ANKRD29: variants seen among roughly 807,000 people sequenced by gnomAD.
The protein encoded by ANKRD29 is ankyrin repeat domain 29.
Under a neutral mutation model 38.0 loss-of-function variants are expected in ANKRD29, and 32 were observed. The observed-to-expected ratio is 0.84, with a 90% confidence interval of 0.64 to 1.13. ANKRD29 has a LOEUF of 1.13. ANKRD29 is among the 50% of genes most tolerant of loss of function. The pLI, the probability that ANKRD29 is intolerant of heterozygous loss-of-function variation, is 0.00. For missense variants in ANKRD29, 357 were observed against 377.9 expected (o/e 0.94, Z 0.46); for synonymous variants, 135 against 152.4 (o/e 0.89, Z 0.84).
At chr18:23,657,993 T>C (rs2060306798) in intron 1 of ANKRD29, among the ~76,000 whole-genome samples, 1 of 152,268 alleles carries the variant, frequency 6.6e-6, no homozygotes, top group African/African-American at 2.4e-5. Context: ...TAATAATATT[T>C]GCCTTGCTAG....
intron 6 of ANKRD29, among the ~76,000 whole-genome samples, chr18:23,626,700 T>C (rs1361746975): frequency 6.6e-6 from 1 of 152,248 alleles, no homozygotes; most frequent in Middle Eastern, 3.2e-3. Flanking sequence ...CATCCCAAAG[T>C]ACTAAAAAGG....
rs147346790 is a variant in ANKRD29, at chr18:23,638,173, T to C, written c.330+676A>G. ...CCATCACGCCTGGCTAATTTTTTTT[T>C]GTATTTTTAGTAGAGACAGGGTTTC... On this transcript the variant is annotated intron_variant, in intron 4 of 9. Coordinates refer to ENST00000592179, the MANE Select transcript of ANKRD29 (RefSeq NM_173505.4). 5.3e-4 allele frequency among the ~76,000 whole-genome samples: 80 copies of C among 152,106 alleles called. No individual in the cohort carries two copies. In the East Asian group the frequency reaches 0.015, roughly 28 times the overall value.
chr18:23,611,087 A>T (rs1222022208), intron 9 of ANKRD29, among the ~76,000 whole-genome samples: 2 of 152,262 alleles, frequency 1.3e-5, no homozygotes, highest in East Asian at 3.8e-4. Context: ...ACAATCATTT[A>T]AAAAAATTCT....
chr18:23,639,857 CAG>C (rs1248098457), intron 3 of ANKRD29, among the ~76,000 whole-genome samples: 6 of 152,108 alleles, frequency 3.9e-5, no homozygotes, highest in Non-Finnish European at 8.8e-5. Flanking sequence ...CTAAAGTAGT[CAG>C]AGTTATAGAA....
intron 1 of ANKRD29, among the ~76,000 whole-genome samples, chr18:23,659,881 CA>C (rs2145744903): frequency 1.3e-5 from 2 of 151,960 alleles, no homozygotes; most frequent in South Asian, 4.1e-4. Flanking sequence ...GAGCCCGAGG[CA>C]GGCAGATTAC....
chr18:23,638,773 A>G (rs1328803292), intron 4 of ANKRD29, 76 bp downstream of exon 4: 1 of 1,174,600 alleles, frequency 8.5e-7, no homozygotes, highest in Non-Finnish European at 1.2e-6. Flanking sequence ...AATTCGTACC[A>G]TAGATGAGGA....
At chr18:23,602,234 G>A (rs1333522547) in intron 9 of ANKRD29, among the ~76,000 whole-genome samples, 3 of 151,822 alleles carry the variant, frequency 2.0e-5, no homozygotes, top group African/African-American at 7.3e-5. Flanking sequence ...ATGGGGTTTC[G>A]CCATTTAGCC....
intron 8 of ANKRD29, among the ~76,000 whole-genome samples, chr18:23,616,788 A>C (rs2059728799): frequency 6.8e-6 from 1 of 146,806 alleles, no homozygotes; most frequent in Admixed American, 6.9e-5. Flanking sequence ...AATAAATAAT[A>C]TAATATAATA....
Position 23,653,041 on chromosome 18 carries a change from A to G in ANKRD29, c.22-3848T>C, listed in dbSNP as rs139742346. On this transcript the variant is annotated intron_variant, in intron 1 of 9. Coordinates refer to ENST00000592179, the MANE Select transcript of ANKRD29 (RefSeq NM_173505.4). ...GCTCACCACTGTGTAACAATTGCCT[A>G]CAGTATTCCATTCAGGAGCATGCTA... Among the ~76,000 whole-genome samples the G allele has an allele frequency of 8.7e-4, 133 of 152,360 alleles. 1 individual carries two copies. Among genetic ancestry groups the G allele is most frequent in the African/African-American group, 3.0e-3 (125 of 41,584 alleles).
chr18:23,640,881 A>C (rs570636688), intron 3 of ANKRD29, among the ~76,000 whole-genome samples: 1 of 152,108 alleles, frequency 6.6e-6, no homozygotes, highest in Admixed American at 6.5e-5. Flanking sequence ...GGTCTCACTC[A>C]TGTGTGAAAA....
At chr18:23,659,768 A>C (rs2060332967) in intron 1 of ANKRD29, among the ~76,000 whole-genome samples, 1 of 151,292 alleles carries the variant, frequency 6.6e-6, no homozygotes, top group South Asian at 2.1e-4. Flanking sequence ...AAAACAAAAA[A>C]CAAACAAACA....
At chr18:23,643,884 A>G (rs2060107754) in intron 3 of ANKRD29, among the ~76,000 whole-genome samples, 1 of 152,234 alleles carries the variant, frequency 6.6e-6, no homozygotes, top group African/African-American at 2.4e-5. Flanking sequence ...CTAACAATGG[A>G]TCAAGGCAGA....
At chr18:23,629,977 TA>T (rs756078005) in intron 5 of ANKRD29, 26 bp from the exon 6 acceptor site, 1 of 1,575,738 alleles carries the variant, frequency 6.3e-7, no homozygotes, top group Non-Finnish European at 8.7e-7. Flanking sequence ...TTAAAAGCAT[TA>T]AAAACATTAT....
chr18:23,601,718 G>A (rs62093301), intron 9 of ANKRD29, among the ~76,000 whole-genome samples: 4 of 152,086 alleles, frequency 2.6e-5, no homozygotes, highest in Admixed American at 2.6e-4. Flanking sequence ...CACCCAGGCT[G>A]GAGTGCAGTG....
At chr18:23,638,512 T>C (rs901085223) in intron 4 of ANKRD29, among the ~76,000 whole-genome samples, 2 of 152,098 alleles carry the variant, frequency 1.3e-5, no homozygotes, top group Non-Finnish European at 2.9e-5. Flanking sequence ...AAAAAGAACA[T>C]GGAAACAGGG....
At chr18:23,662,609 C>T in intron 1 of ANKRD29, 101 bp downstream of exon 1, 2 of 469,832 alleles carry the variant, frequency 4.3e-6, no homozygotes, top group Non-Finnish European at 7.5e-6. Context: ...GGGCAGCGGG[C>T]AGCGCCCACC....
chr18:23,617,634 C>A, intron 8 of ANKRD29, 98 bp downstream of exon 8: 1 of 844,846 alleles, frequency 1.2e-6, no homozygotes, highest in Non-Finnish European at 1.9e-6. Context: ...ATCCAACTAA[C>A]CAGGCTAACT....
chr18:23,602,746 C>T (rs1228827132), intron 9 of ANKRD29, among the ~76,000 whole-genome samples: 6 of 148,796 alleles, frequency 4.0e-5, no homozygotes, highest in Non-Finnish European at 8.9e-5. Context: ...ATAGTGAAAC[C>T]TCATCTCTAT....
At chr18:23,641,633 C>T (rs771049170) in intron 3 of ANKRD29, among the ~76,000 whole-genome samples, 3 of 152,226 alleles carry the variant, frequency 2.0e-5, no homozygotes, top group Non-Finnish European at 4.4e-5. Context: ...GCCTGGGTGC[C>T]GTGGATGGCA....
Sources: allele counts gnomAD v4.1 joint callset (sites outside exome capture counted in the v4.1 genomes callset), GRCh38; gene constraint gnomAD v4.1.1; transcripts MANE v1.5; gene names NCBI Gene and HGNC (gene_info 2026-07-23, HGNC 2026-07-21).